CLASP2: variants seen among roughly 807,000 people sequenced by gnomAD.
CLASP2 encodes the protein cytoplasmic linker associated protein 2.
In CLASP2, 47 loss-of-function variants were observed where a neutral mutation model predicts 194.4. That is an observed-to-expected ratio of 0.24 (90% CI 0.19 to 0.31). CLASP2 has a LOEUF of 0.31. CLASP2 is among the 10% of genes least tolerant of loss of function. CLASP2 has a pLI of 1.00. For synonymous variants in CLASP2, 619 were observed against 633.5 expected (o/e 0.98, Z 0.34); for missense variants, 1,445 against 1,823.6 (o/e 0.79, Z 3.78).
At chr3:33,563,496 G>A (rs921490905) in intron 27 of CLASP2, among the ~76,000 whole-genome samples, 5 of 152,144 alleles carry the variant, frequency 3.3e-5, no homozygotes, top group Non-Finnish European at 7.4e-5. Context: ...CCTGACTTTA[G>A]TTTTATATTT....
chr3:33,513,636 C>G (rs532093397), intron 36 of CLASP2, among the ~76,000 whole-genome samples: 3 of 152,132 alleles, frequency 2.0e-5, no homozygotes, highest in Non-Finnish European at 4.4e-5. Flanking sequence ...AGTAATTACC[C>G]CAAGGGTTTC....
chr3:33,601,668 T>C (rs1166125789), intron 18 of CLASP2, among the ~76,000 whole-genome samples: 1 of 152,224 alleles, frequency 6.6e-6, no homozygotes, highest in Non-Finnish European at 1.5e-5. Context: ...TATGTTTTCA[T>C]CAAGTTGCTT....
intron 21 of CLASP2, chr3:33,592,175 C>T (rs993158105): frequency 1.4e-5 from 10 of 703,222 alleles, no homozygotes; most frequent in Admixed American, 1.4e-4. Context: ...AATTCCAAAA[C>T]ATGCACAACA....
At chr3:33,706,172 C>T (rs193036080) in intron 1 of CLASP2, among the ~76,000 whole-genome samples, 5 of 152,096 alleles carry the variant, frequency 3.3e-5, no homozygotes, top group South Asian at 2.1e-4. Context: ...CACCTGAGCC[C>T]GGGACGTCAA....
At chr3:33,588,584 C>A in intron 21 of CLASP2, 2 of 541,702 alleles carry the variant, frequency 3.7e-6, no homozygotes, top group South Asian at 5.6e-5. Context: ...AATTTCTGCC[C>A]CAGTATGACT....
chr3:33,642,338 T>C (rs535019032), intron 8 of CLASP2, among the ~76,000 whole-genome samples: 65 of 151,848 alleles, frequency 4.3e-4, no homozygotes, highest in Non-Finnish European at 6.5e-4. Context: ...AATTAATAAT[T>C]TAAGACAACG....
At position 33,623,247 on chromosome 3, in the gene CLASP2, A is replaced by T. The variant is rs546278730; in HGVS notation, c.1036-967T>A. On this transcript the variant is annotated intron_variant, in intron 10 of 38. Coordinates refer to ENST00000682230, the MANE Select transcript of CLASP2 (RefSeq NM_001365631.1). ...TGGGGTATCCATCACCTCAAACATC[A>T]ATCAGTTCTTTCCGTTAGGAACATT... 3.3e-5 allele frequency among the ~76,000 whole-genome samples: 5 copies of T among 152,346 alleles called. No homozygotes were observed. The South Asian group carries it at 1.0e-3, about 32-fold the overall frequency.
Position 33,535,323 on chromosome 3 carries a change from G to C in CLASP2, c.3697C>G (p.Pro1233Ala). Residue 1233 changes from proline (P) to alanine (A), a missense_variant, in exon 34 of 39, where the codon CCA becomes GCA. Pro to Ala is a conservative substitution (Grantham distance 27). This residue lies in a region of CLASP2 where 732 missense variants were observed against 987.9 expected (regional missense o/e 0.74). Coordinates refer to ENST00000682230, the MANE Select transcript of CLASP2 (RefSeq NM_001365631.1). Reference protein sequence around the residue: ...HSSPRSRDYNPYNYSDSISPF... With the variant: ...HSSPRSRDYNAYNYSDSISPF... Reference sequence around the variant, plus strand: ...CTGATGCTATCTGAATAGTTATATGGATTATAGTCTCGAGAGCGTGGAGAG... The same window carrying C: ...CTGATGCTATCTGAATAGTTATATGCATTATAGTCTCGAGAGCGTGGAGAG... 1 of 1,613,826 alleles carries C rather than the reference G, an allele frequency of 6.2e-7. No homozygotes were observed. Among genetic ancestry groups the C allele is most frequent in the Non-Finnish European group, 8.5e-7 (1 of 1,179,816 alleles).
intron 23 of CLASP2, 34 bp from the exon 24 acceptor site, chr3:33,576,309 G>A: frequency 6.4e-7 from 1 of 1,554,422 alleles, no homozygotes; most frequent in Non-Finnish European, 8.9e-7. Context: ...TAGATTTGAA[G>A]GAGTCATAAA....
intron 27 of CLASP2, chr3:33,564,025 C>A: frequency 2.4e-6 from 1 of 424,764 alleles, no homozygotes; most frequent in South Asian, 1.7e-5. Flanking sequence ...AAGTCAGGGC[C>A]ACTGATCTTC....
intron 7 of CLASP2, among the ~76,000 whole-genome samples, 167 bp downstream of exon 7, chr3:33,663,278 A>G (rs2085597757): frequency 6.6e-6 from 1 of 151,850 alleles, no homozygotes; most frequent in Non-Finnish European, 1.5e-5. Context: ...CAAAAGAATC[A>G]GAGGATAGAT....
At chr3:33,663,936 C>A (rs1289586061) in intron 6 of CLASP2, among the ~76,000 whole-genome samples, 2 of 151,998 alleles carry the variant, frequency 1.3e-5, no homozygotes, top group African/African-American at 4.8e-5. Context: ...TATAAAATAT[C>A]AAAAACTAAA....
chr3:33,620,835 G>A (rs1011443942), intron 11 of CLASP2, among the ~76,000 whole-genome samples: 1 of 152,138 alleles, frequency 6.6e-6, no homozygotes, highest in African/African-American at 2.4e-5. Flanking sequence ...TGGTTGGTCA[G>A]ATCTTAAACC....
intron 8 of CLASP2, among the ~76,000 whole-genome samples, chr3:33,643,536 A>G (rs1372044253): frequency 2.0e-5 from 3 of 152,128 alleles, no homozygotes; most frequent in Admixed American, 1.3e-4. Context: ...TTAAAAATCT[A>G]AAGTATAGAT....
intron 36 of CLASP2, among the ~76,000 whole-genome samples, chr3:33,511,847 C>T (rs2049939514): frequency 3.6e-5 from 3 of 83,888 alleles, no homozygotes; most frequent in Non-Finnish European, 7.1e-5. Context: ...CAAATCAAAA[C>T]CACTATGAGA....
intron 1 of CLASP2, among the ~76,000 whole-genome samples, chr3:33,704,311 G>A (rs1008898775): frequency 6.6e-6 from 1 of 152,152 alleles, no homozygotes; most frequent in African/African-American, 2.4e-5. Flanking sequence ...GGAGGAGGCT[G>A]TGCATTATGC....
chr3:33,548,777 T>C (rs1250399225), intron 30 of CLASP2, among the ~76,000 whole-genome samples: 5 of 145,682 alleles, frequency 3.4e-5, no homozygotes, highest in Non-Finnish European at 7.6e-5. Flanking sequence ...TTTTTTTTTT[T>C]TTTTTTTTTG....
rs370693433 is a variant in CLASP2 at position 33,659,073 on chromosome 3, C to G, written c.715+4372G>C. On this transcript the variant is annotated intron_variant, in intron 7 of 38. Transcript: ENST00000682230. ...AGCTCAGTGCCTGCGCCACTGGGCT[C>G]GGCCTGCAGCCTGCAGACACCCGGA... is the stretch of plus-strand genomic sequence containing the variant. The G allele has an allele frequency of 4.2e-3, 6,414 of 1,521,790 alleles. 288 individuals carry two copies. In the South Asian group the frequency reaches 0.074, roughly 18 times the overall value. 94.3% of individuals were successfully genotyped at this position (1,521,790 alleles called of 1,614,324 possible). A position where few individuals can be genotyped will look rare whatever the true frequency, so the allele number is the denominator to read the frequency against.
chr3:33,574,122 G>C (rs971633463), intron 24 of CLASP2, among the ~76,000 whole-genome samples: 3 of 152,074 alleles, frequency 2.0e-5, no homozygotes, highest in African/African-American at 7.2e-5. Context: ...AGAAAGAATA[G>C]TTTATTTAAG....
Sources: allele counts gnomAD v4.1 joint callset (sites outside exome capture counted in the v4.1 genomes callset), GRCh38; gene constraint gnomAD v4.1.1; regional missense constraint gnomAD v4.1.1; transcripts MANE v1.5; gene names NCBI Gene and HGNC (gene_info 2026-07-23, HGNC 2026-07-21).